Variants in SLC36A1 observed in about 807,000 individuals in gnomAD.
SLC36A1 encodes solute carrier family 36 member 1.
In SLC36A1, 30 loss-of-function variants were observed where a neutral mutation model predicts 47.5. The observed-to-expected ratio is 0.63, with a 90% CI of 0.47 to 0.86. The LOEUF (loss-of-function observed/expected upper bound fraction) is 0.86, where lower values mean the gene tolerates loss of function less well. Among genes scored for constraint, SLC36A1 ranks in the 40% least tolerant of loss-of-function variants. SLC36A1 has a pLI of 0.00. For missense variants in SLC36A1, 517 were observed against 606.0 expected (o/e 0.85, Z 1.54); for synonymous variants, 255 against 249.7 (o/e 1.02, Z -0.20).
chr5:151,505,639 G>A, the SLC36A1 span: 5 of 1,614,110 alleles, frequency 3.1e-6, no homozygotes, highest in Middle Eastern at 1.6e-4. Flanking sequence ...GGGGGCACCC[G>A]GGGCTGGCCC....
At chr5:151,348,295 A>G in the SLC36A1 span, among the ~76,000 whole-genome samples, 6 of 152,210 alleles carry the variant, frequency 3.9e-5, no homozygotes, top group Non-Finnish European at 7.3e-5. Context: ...CATGAAATCC[A>G]GGATAGAACT....
the SLC36A1 span, among the ~76,000 whole-genome samples, chr5:151,503,428 G>A: frequency 6.7e-6 from 1 of 148,394 alleles, no homozygotes; most frequent in Non-Finnish European, 1.5e-5. Context: ...TCTGCTCAAG[G>A]CCACATAATT....
At chr5:151,483,550 G>C (rs1759130770) in intron 10 of SLC36A1, among the ~76,000 whole-genome samples, 2 of 151,996 alleles carry the variant, frequency 1.3e-5, no homozygotes, top group South Asian at 4.2e-4. Flanking sequence ...TAGGGAGAGG[G>C]CTGTTCCTGG....
At chr5:151,371,104 C>T in the SLC36A1 span, among the ~76,000 whole-genome samples, 1 of 152,080 alleles carries the variant, frequency 6.6e-6, no homozygotes, top group Non-Finnish European at 1.5e-5. Context: ...GCACACCTCC[C>T]TTATGTAACA....
At chr5:151,451,746 G>A (rs1031439007) in intron 1 of SLC36A1, among the ~76,000 whole-genome samples, 1 of 152,156 alleles carries the variant, frequency 6.6e-6, no homozygotes, top group Admixed American at 6.5e-5. Flanking sequence ...GAATTAACTT[G>A]CTCAGAGTCA....
At chr5:151,396,102 AC>A in the SLC36A1 span, among the ~76,000 whole-genome samples, 11 of 142,760 alleles carry the variant, frequency 7.7e-5, no homozygotes, top group Non-Finnish European at 1.7e-4. Context: ...GAGCCACTGT[AC>A]CTGGACTTAT....
At chr5:151,512,589 G>T in the SLC36A1 span, 8 of 1,609,428 alleles carry the variant, frequency 5.0e-6, no homozygotes, top group Non-Finnish European at 6.8e-6. This position sits in a 1 kb window ranked among gnomAD's most constrained non-coding sequence, Gnocchi z 4.1. Context: ...ATTCCAGCTG[G>T]GGCACTCCAC....
upstream of SLC36A1, among the ~76,000 whole-genome samples, chr5:151,432,316 C>T (rs115723097): frequency 4.2e-3 from 647 of 152,284 alleles, 4 homozygotes; most frequent in African/African-American, 0.015. Context: ...CTTGCAAAGG[C>T]GGTCAGCAAA....
chr5:151,544,681 C>T, the SLC36A1 span: 1 of 1,614,006 alleles, frequency 6.2e-7, no homozygotes, highest in Non-Finnish European at 8.5e-7. Context: ...GGATGGCGTT[C>T]CTCCATCCCG....
downstream of SLC36A1, among the ~76,000 whole-genome samples, chr5:151,494,057 T>C (rs1760271215): frequency 1.3e-5 from 2 of 152,156 alleles, no homozygotes; most frequent in South Asian, 2.1e-4. Flanking sequence ...CTCACATTTA[T>C]ACCTAATGGC....
At chr5:151,504,629 G>T in the SLC36A1 span, 1 of 152,650 alleles carries the variant, frequency 6.6e-6, no homozygotes, top group Non-Finnish European at 1.5e-5. Context: ...TGTGTCTAGG[G>T]AAGAAAAATC....
the SLC36A1 span, among the ~76,000 whole-genome samples, chr5:151,345,240 G>C: frequency 6.6e-6 from 1 of 152,190 alleles, no homozygotes; most frequent in African/African-American, 2.4e-5. Context: ...AATTCCCCAT[G>C]AGAACCTTCT....
the SLC36A1 span, among the ~76,000 whole-genome samples, chr5:151,390,358 C>T: frequency 1.3e-5 from 2 of 152,134 alleles, no homozygotes; most frequent in African/African-American, 4.8e-5. Context: ...CTGTAGGTTG[C>T]CTGATCACTC....
chr5:151,437,348 A>G (rs1759828817), intron 1 of SLC36A1, among the ~76,000 whole-genome samples: 1 of 152,224 alleles, frequency 6.6e-6, no homozygotes, highest in African/African-American at 2.4e-5. Flanking sequence ...CTCATGTTTA[A>G]ACTATGATTT....
chr5:151,545,260 A>G, the SLC36A1 span: 2 of 1,614,048 alleles, frequency 1.2e-6, no homozygotes, highest in Non-Finnish European at 1.7e-6. Flanking sequence ...GGTCAAAGAA[A>G]TTTTTACCAG....
chr5:151,464,821 T>G (rs1211451573), intron 4 of SLC36A1, among the ~76,000 whole-genome samples: 2 of 152,220 alleles, frequency 1.3e-5, no homozygotes, highest in Non-Finnish European at 2.9e-5. Context: ...GGGTACTACA[T>G]TCTAATTTCA....
the SLC36A1 span, chr5:151,550,448 T>A: frequency 1.0e-6 from 1 of 955,004 alleles, no homozygotes; most frequent in Non-Finnish European, 1.5e-6. Flanking sequence ...AAGGTGCCCT[T>A]AGCCAGCTGT....
At position 151,488,339 on chromosome 5, in the gene SLC36A1, G is replaced by A. The variant is rs1233856504; in HGVS notation, c.*85G>A. ...CCTCAGAGCCTCAGGTATGGTCCAG[G>A]CTCTGAGGAAAGTCAGGGTTGCTGT... On this transcript the variant is annotated 3_prime_UTR_variant, in exon 11 of 11. Transcript: ENST00000243389. 5.3e-6 allele frequency: 8 copies of A among 1,507,910 alleles called. No individual in the cohort carries two copies. The highest frequency in any genetic ancestry group is 6.3e-6 in the Non-Finnish European group (7 of 1,118,776). The allele number at this position is 1,507,910 out of a possible 1,614,324, so 93.4% of individuals were successfully genotyped here. A position where few individuals can be genotyped will look rare whatever the true frequency, so the allele number is the denominator to read the frequency against.
chr5:151,381,083 C>A, the SLC36A1 span: 1 of 473,802 alleles, frequency 2.1e-6, no homozygotes, highest in South Asian at 1.9e-5. Context: ...GCACCAGCCA[C>A]ACGACCATGT....
Sources: allele counts gnomAD v4.1 joint callset (sites outside exome capture counted in the v4.1 genomes callset), GRCh38; gene constraint gnomAD v4.1.1; non-coding constraint Gnocchi (gnomAD v3.1); transcripts MANE v1.5; gene names NCBI Gene and HGNC (gene_info 2026-07-23, HGNC 2026-07-21).